The following PPP1R21 variants were observed in gnomAD, a reference collection of about 807,000 sequenced individuals.
The protein encoded by PPP1R21 is protein phosphatase 1 regulatory subunit 21.
PPP1R21 carries 85 observed loss-of-function variants against 112.8 expected under a neutral mutation model. The observed-to-expected ratio is 0.75, with a 90% CI of 0.63 to 0.90. The LOEUF is 0.90. Ranked by LOEUF, PPP1R21 falls within the 40% of genes least tolerant of loss-of-function variation. The pLI is 0.00. For missense variants in PPP1R21, 1,199 were observed against 901.5 expected (o/e 1.33, Z -4.23); for synonymous variants, 381 against 322.3 (o/e 1.18, Z -1.95).
intron 17 of PPP1R21, among the ~76,000 whole-genome samples, chr2:48,503,214 A>T (rs898460350): frequency 2.0e-5 from 3 of 152,238 alleles, no homozygotes; most frequent in African/African-American, 7.2e-5. Flanking sequence ...TATAAAAATG[A>T]CATTATCCTG....
At position 48,441,294 on chromosome 2, in the gene PPP1R21, C is replaced by T. The variant is rs546078143; in HGVS notation, c.57+284C>T. 1.5e-4 allele frequency: 79 copies of T among 512,806 alleles called. 1 individual carries two copies. The Middle Eastern group carries it at 2.2e-3, about 14-fold the overall frequency. The allele number at this position is 512,806 out of a possible 1,614,324, so 31.8% of individuals were successfully genotyped here. On this transcript the variant is annotated intron_variant, in intron 1 of 21. Transcript: ENST00000294952. ...GCTTGGGACTGGGATGTCAGAAATT[C>T]TGGCTTCTTGCCTCTAATGCTGGCT...
intron 12 of PPP1R21, among the ~76,000 whole-genome samples, chr2:48,475,734 C>A (rs1377732607): frequency 6.6e-6 from 1 of 152,044 alleles, no homozygotes; most frequent in Non-Finnish European, 1.5e-5. Flanking sequence ...GTAATCCCAG[C>A]TACTCGGGAG....
chr2:48,494,651 G>A (rs1205480342), intron 15 of PPP1R21, among the ~76,000 whole-genome samples: 2 of 151,182 alleles, frequency 1.3e-5, no homozygotes, highest in South Asian at 2.1e-4. Flanking sequence ...CCTGACCTTA[G>A]GAAGTCCACC....
chr2:48,451,883 C>A (rs1667491387), intron 2 of PPP1R21, among the ~76,000 whole-genome samples: 1 of 152,136 alleles, frequency 6.6e-6, no homozygotes, highest in African/African-American at 2.4e-5. Flanking sequence ...TCCACTTAGG[C>A]AACTAAGCCC....
chr2:48,459,190 CACACACAAACAG>C (rs1161340519), intron 4 of PPP1R21, among the ~76,000 whole-genome samples: 4 of 151,182 alleles, frequency 2.6e-5, no homozygotes, highest in African/African-American at 9.7e-5. Flanking sequence ...CACACACACA[CACACACAAACAG>C]ACACGCTTTT....
Position 48,514,920 on chromosome 2 carries a change from G to C in PPP1R21, c.*176G>C, listed in dbSNP as rs1670806498. 1 of 587,942 alleles carries C rather than the reference G, an allele frequency of 1.7e-6. No individual in the cohort carries two copies. Among genetic ancestry groups the C allele is most frequent in the Non-Finnish European group, 3.0e-6 (1 of 335,990 alleles). The allele number at this position is 587,942 out of a possible 1,614,324, so 36.4% of individuals were successfully genotyped here. A position where few individuals can be genotyped will look rare whatever the true frequency, so the allele number is the denominator to read the frequency against. ...AATATTTAAAACATATTTGTAACCAGTGAGGCAAATACAGAAGTTGATGTC... is the reference window on the plus strand; with the variant it reads ...AATATTTAAAACATATTTGTAACCACTGAGGCAAATACAGAAGTTGATGTC... On this transcript the variant is annotated 3_prime_UTR_variant, in exon 22 of 22. Coordinates refer to ENST00000294952, the MANE Select transcript of PPP1R21 (RefSeq NM_001135629.3).
At chr2:48,498,336 A>T (rs887327647) in intron 16 of PPP1R21, among the ~76,000 whole-genome samples, 157 bp from the exon 17 acceptor site, 3 of 151,340 alleles carry the variant, frequency 2.0e-5, no homozygotes, top group Admixed American at 6.6e-5. Context: ...TTTTTGTATC[A>T]TGTCTAATAA....
rs760474679 is a variant in PPP1R21 at position 48,471,383 on chromosome 2, G to A, written c.1088+16G>A. 1 of 1,591,008 alleles carries A rather than the reference G, an allele frequency of 6.3e-7. No homozygotes were observed. The highest frequency in any genetic ancestry group is 1.8e-5 in the Admixed American group (1 of 54,374). ...AGTTAAAAAGGTAGTTACCCCCGGA[G>A]GCCAGGGAACTTGGGGAATTGTGGG... On this transcript the variant is annotated intron_variant, in intron 11 of 21. Coordinates refer to ENST00000294952, the MANE Select transcript of PPP1R21 (RefSeq NM_001135629.3).
intron 20 of PPP1R21, among the ~76,000 whole-genome samples, chr2:48,510,727 G>C (rs1039546755): frequency 5.9e-5 from 9 of 152,242 alleles, no homozygotes; most frequent in Non-Finnish European, 1.2e-4. Context: ...GGACGGTGCT[G>C]CCGGGAGGGC....
intron 11 of PPP1R21, among the ~76,000 whole-genome samples, chr2:48,473,523 A>G (rs1384554066): frequency 6.6e-6 from 1 of 152,204 alleles, no homozygotes; most frequent in Non-Finnish European, 1.5e-5. Flanking sequence ...GTTCTGTCCC[A>G]TATGCTTTCA....
At position 48,441,025 on chromosome 2, in the gene PPP1R21, C is replaced by T. The variant is rs369848473; in HGVS notation, c.57+15C>T. 6.9e-6 allele frequency: 11 copies of T among 1,587,344 alleles called. No homozygotes were observed. The African/African-American group carries it at 1.3e-4, about 19-fold the overall frequency. On this transcript the variant is annotated intron_variant, in intron 1 of 21. Coordinates refer to ENST00000294952, the MANE Select transcript of PPP1R21 (RefSeq NM_001135629.3). ...AGTACTCGAAGGTACCCATCGTGGT[C>T]TGGGAGTAGGGGGTCCCCCGCCCTG...
At chr2:48,486,182 A>T (rs1257132437) in intron 13 of PPP1R21, among the ~76,000 whole-genome samples, 1 of 152,028 alleles carries the variant, frequency 6.6e-6, no homozygotes, top group Admixed American at 6.6e-5. Context: ...CTAGGAAACT[A>T]GCTATAGCCC....
chr2:48,471,439 T>C (rs1273627353), intron 11 of PPP1R21, 72 bp downstream of exon 11: 1 of 1,395,252 alleles, frequency 7.2e-7, no homozygotes, highest in East Asian at 2.3e-5. Flanking sequence ...GTTAATAAAA[T>C]ATTAACATGT....
rs1670425455 is a variant in PPP1R21, at chr2:48,507,279, T to C, written c.1979T>C (p.Val660Ala). 6.4e-7 allele frequency: 1 copy of C among 1,553,858 alleles called. No individual in the cohort carries two copies. Among genetic ancestry groups the C allele is most frequent in the African/African-American group, 1.4e-5 (1 of 70,916 alleles). ...TRTSDSEVPD[V>A]ESREDLIKNH... ...TTGTGTTCTATTTAGGTTCCAGATG[T>C]GGAATCTCGTGAAGACTTAATTAAA... Residue 660 changes from valine (V) to alanine (A), a missense_variant, in exon 19 of 22, where the codon GTG becomes GCG. By Grantham distance (64) the Val-to-Ala change is moderately conservative. Coordinates refer to ENST00000294952, the MANE Select transcript of PPP1R21 (RefSeq NM_001135629.3).
chr2:48,499,032 C>G (rs971916224), intron 17 of PPP1R21, among the ~76,000 whole-genome samples: 2 of 150,438 alleles, frequency 1.3e-5, no homozygotes, highest in African/African-American at 4.9e-5. Context: ...TCTGGGGTCT[C>G]TTTTGTAAGG....
intron 13 of PPP1R21, among the ~76,000 whole-genome samples, chr2:48,485,372 CTA>C (rs1379172537): frequency 2.0e-5 from 3 of 151,712 alleles, no homozygotes; most frequent in Non-Finnish European, 2.9e-5. Context: ...CATCTTATGA[CTA>C]TGTTGAGCAT....
At chr2:48,456,111 C>A (rs773911194) in intron 3 of PPP1R21, among the ~76,000 whole-genome samples, 19 of 151,054 alleles carry the variant, frequency 1.3e-4, no homozygotes, top group Admixed American at 5.3e-4. Context: ...TTTATTCTTA[C>A]GAGGCCAGTT....
intron 17 of PPP1R21, among the ~76,000 whole-genome samples, chr2:48,503,129 A>G (rs550750693): frequency 2.9e-4 from 44 of 152,340 alleles, no homozygotes; most frequent in Admixed American, 1.6e-3. Context: ...GCACAGAACA[A>G]TATACATTTC....
chr2:48,461,121 T>A lies in PPP1R21; in HGVS notation c.600-17T>A. 1.7e-6 allele frequency: 1 copy of A among 601,134 alleles called. No homozygotes were observed. Among genetic ancestry groups the A allele is most frequent in the Non-Finnish European group, 2.7e-6 (1 of 370,024 alleles). 37.2% of individuals were successfully genotyped at this position (601,134 alleles called of 1,614,324 possible). ...GATTGGTGATAATGTGGTTTTGTAT[T>A]TTTTTTTTTTTTGCAGTCAATTACA... On this transcript the variant is annotated splice_polypyrimidine_tract_variant and intron_variant, in intron 6 of 21. Coordinates refer to ENST00000294952, the MANE Select transcript of PPP1R21 (RefSeq NM_001135629.3).
Sources: allele counts gnomAD v4.1 joint callset (sites outside exome capture counted in the v4.1 genomes callset), GRCh38; gene constraint gnomAD v4.1.1; transcripts MANE v1.5; gene names NCBI Gene and HGNC (gene_info 2026-07-23, HGNC 2026-07-21).